Variants in FXYD3 observed in about 807,000 individuals in gnomAD.
The protein encoded by FXYD3 is FXYD domain-containing ion transport regulator 3.
Under a neutral mutation model 19.2 loss-of-function variants are expected in FXYD3, and 13 were observed. The ratio of observed to expected loss-of-function variants is 0.68; its 90% CI spans 0.44 to 1.08. FXYD3 has a LOEUF of 1.08. Ranked by LOEUF, FXYD3 falls within the 50% of genes least tolerant of loss-of-function variation. The pLI is 0.00. For synonymous variants in FXYD3, 48 were observed against 38.9 expected, an observed-to-expected ratio of 1.23 and a Z score of -0.87; for missense variants, 101 against 109.4, an observed-to-expected ratio of 0.92 and a Z score of 0.34.
intron 2 of FXYD3, chr19:35,118,582 A>G (rs1170339285): frequency 4.5e-5 from 45 of 992,060 alleles, no homozygotes; most frequent in Non-Finnish European, 5.3e-5. Context: ...TGTCACCAGG[A>G]ACTCTGCTGG....
chr19:35,121,165 G>A, intron 4 of FXYD3, 55 bp downstream of exon 4: 1 of 1,614,136 alleles, frequency 6.2e-7, no homozygotes, highest in Non-Finnish European at 8.5e-7. Context: ...CCTGGGTGGG[G>A]AAGGCCTGCA....
intron 7 of FXYD3, 115 bp downstream of exon 7, chr19:35,123,069 G>A (rs889924417): frequency 6.8e-6 from 10 of 1,460,024 alleles, no homozygotes; most frequent in Middle Eastern, 1.9e-4. Flanking sequence ...AGTTCCTGCC[G>A]CTAAGATTTC....
At chr19:35,120,910 C>T (rs2065027183) in intron 3 of FXYD3, among the ~76,000 whole-genome samples, 168 bp from the exon 4 acceptor site, 1 of 152,202 alleles carries the variant, frequency 6.6e-6, no homozygotes, top group African/African-American at 2.4e-5. Flanking sequence ...GTGGGCGAGT[C>T]CACATTTCCT....
chr19:35,123,749 C>T lies in FXYD3; in HGVS notation c.*292C>T. 1 of 518,848 alleles carries T rather than the reference C, an allele frequency of 1.9e-6. No homozygotes were observed. Among genetic ancestry groups the T allele is most frequent in the Non-Finnish European group, 3.5e-6 (1 of 288,942 alleles). 32.1% of individuals were successfully genotyped at this position (518,848 alleles called of 1,614,324 possible). ...CCCTGGAGGCTGACACAGAGGCTGG[C>T]ACTGAGCCTGCTTGTTGGGAAAAGC... On this transcript the variant is annotated 3_prime_UTR_variant, in exon 9 of 9. Transcript: ENST00000604404.
intron 3 of FXYD3, among the ~76,000 whole-genome samples, chr19:35,120,170 C>T (rs534616584): frequency 8.8e-5 from 13 of 147,682 alleles, no homozygotes; most frequent in African/African-American, 2.5e-4. Context: ...GACAGAGTCT[C>T]GCTCTGTTGC....
intron 2 of FXYD3, 55 bp downstream of exon 2, chr19:35,116,414 G>A (rs2064886528): frequency 1.0e-6 from 1 of 965,412 alleles, no homozygotes; most frequent in Non-Finnish European, 1.2e-6. Context: ...CCCTAAATTA[G>A]GAAGTATCTA....
intron 1 of FXYD3, 57 bp from the exon 2 acceptor site, chr19:35,116,207 G>A: frequency 3.0e-6 from 3 of 985,426 alleles, no homozygotes; most frequent in Non-Finnish European, 3.6e-6. Context: ...GTCTCTTTAA[G>A]AGCAGGAATG....
Position 35,117,065 on chromosome 19 carries a change from G to C in FXYD3, c.-15+706G>C, listed in dbSNP as rs921441986. 78 of 985,376 alleles carry C rather than the reference G, an allele frequency of 7.9e-5. No homozygotes were observed. In the African/African-American group the frequency reaches 1.3e-3, roughly 17 times the overall value. The allele number at this position is 985,376 out of a possible 1,614,324, so 61.0% of individuals were successfully genotyped here. A position where few individuals can be genotyped will look rare whatever the true frequency, so the allele number is the denominator to read the frequency against. On this transcript the variant is annotated intron_variant, in intron 2 of 8. Coordinates refer to ENST00000604404, the MANE Select transcript of FXYD3 (RefSeq NM_005971.4). Reference sequence around the variant, plus strand: ...GCCGGCCTTGGGACCTCATGGCCAGGAAGGATGAGAGCAGGTAGACAGAGC... The same window carrying C: ...GCCGGCCTTGGGACCTCATGGCCAGCAAGGATGAGAGCAGGTAGACAGAGC...
chr19:35,118,679 G>A lies in FXYD3; in HGVS notation c.-14-684G>A, dbSNP rs530240282. Reference sequence around the variant, plus strand: ...CGGGAAGGGCATGGGTGTGGGATGAGGGGCAGGAGGTTCGGGGGAACAGAG... The same window carrying A: ...CGGGAAGGGCATGGGTGTGGGATGAAGGGCAGGAGGTTCGGGGGAACAGAG... On this transcript the variant is annotated intron_variant, in intron 2 of 8. Coordinates refer to ENST00000604404, the MANE Select transcript of FXYD3 (RefSeq NM_005971.4). 4.9e-6 allele frequency: 3 copies of A among 612,846 alleles called. No individual in the cohort carries two copies. In the East Asian group the frequency reaches 3.6e-4, roughly 74 times the overall value. 38.0% of individuals were successfully genotyped at this position (612,846 alleles called of 1,614,324 possible). A position where few individuals can be genotyped will look rare whatever the true frequency, so the allele number is the denominator to read the frequency against.
chr19:35,121,290 T>C, intron 5 of FXYD3, 45 bp downstream of exon 5: 3 of 1,614,146 alleles, frequency 1.9e-6, no homozygotes, highest in Non-Finnish European at 2.5e-6. Context: ...CCCCACATAC[T>C]GCTTGGTGCC....
rs530425837 is a variant in FXYD3, at chr19:35,121,044, A to G, written c.41-34A>G. On this transcript the variant is annotated intron_variant, in intron 3 of 8. Transcript: ENST00000604404. ...CAAAGGCTTGGCTGAGGCCGGCATCACCATCTCCCCTCCTTCCCCTCTTCT... is the reference window on the plus strand; with the variant it reads ...CAAAGGCTTGGCTGAGGCCGGCATCGCCATCTCCCCTCCTTCCCCTCTTCT... 1.8e-5 allele frequency: 29 copies of G among 1,611,158 alleles called. No individual in the cohort carries two copies. The South Asian group carries it at 3.0e-4, about 16-fold the overall frequency.
chr19:35,123,712 A>G lies in FXYD3; in HGVS notation c.*255A>G. The G allele has an allele frequency of 1.8e-6, 1 of 565,472 alleles. No homozygotes were observed. Among genetic ancestry groups the G allele is most frequent in the Non-Finnish European group, 3.2e-6 (1 of 316,648 alleles). 35.0% of individuals were successfully genotyped at this position (565,472 alleles called of 1,614,324 possible). A position where few individuals can be genotyped will look rare whatever the true frequency, so the allele number is the denominator to read the frequency against. ...GGGGTGGGGCTTGGGGCACCATGAG[A>G]AGGTTGGCGTGCCCTGGAGGCTGAC... On this transcript the variant is annotated 3_prime_UTR_variant, in exon 9 of 9. Transcript: ENST00000604404.
At chr19:35,117,418 A>G in intron 2 of FXYD3, 1 of 1,411,088 alleles carries the variant, frequency 7.1e-7, no homozygotes, top group Non-Finnish European at 9.3e-7. Context: ...ATAGGGCTTT[A>G]AGATGAATTT....
chr19:35,119,650 T>TG (rs2064990894), intron 3 of FXYD3: 15 of 537,468 alleles, frequency 2.8e-5, no homozygotes, highest in South Asian at 7.5e-5. Context: ...CTTCTTTTTT[T>TG]TTGGCTTTTT....
chr19:35,122,299 C>T (rs1022387300), intron 5 of FXYD3, among the ~76,000 whole-genome samples: 12 of 151,838 alleles, frequency 7.9e-5, no homozygotes, highest in African/African-American at 1.5e-4. Flanking sequence ...GGATTACAGG[C>T]GCCTACCACC....
At chr19:35,123,133 C>T in intron 7 of FXYD3, 138 bp from the exon 8 acceptor site, 1 of 1,477,054 alleles carries the variant, frequency 6.8e-7, no homozygotes, top group Non-Finnish European at 9.0e-7. Flanking sequence ...TCCTGAAATG[C>T]TTTGGCCCCT....
chr19:35,123,549 T>G lies in FXYD3; in HGVS notation c.*92T>G. ...AAACTTGAACTCCAGGATGGAATTC[T>G]TCCTCCTCTGCTGGGACTCCTTTGC... On this transcript the variant is annotated 3_prime_UTR_variant, in exon 9 of 9. Transcript: ENST00000604404. 1 of 1,353,486 alleles carries G rather than the reference T, an allele frequency of 7.4e-7. No homozygotes were observed. Among genetic ancestry groups the G allele is most frequent in the Non-Finnish European group, 1.1e-6 (1 of 947,532 alleles). The allele number at this position is 1,353,486 out of a possible 1,614,324, so 83.8% of individuals were successfully genotyped here. A position where few individuals can be genotyped will look rare whatever the true frequency, so the allele number is the denominator to read the frequency against.
chr19:35,122,774 G>A lies in FXYD3; in HGVS notation c.107G>A (p.Ser36Asn). The A allele has an allele frequency of 6.2e-7, 1 of 1,613,360 alleles. No homozygotes were observed. Residue 36 changes from serine (S) to asparagine (N), a missense_variant, in exon 6 of 9, where the codon AGC becomes AAC. Physicochemically the swap from Ser to Asn is conservative, Grantham distance 46. Coordinates refer to ENST00000604404, the MANE Select transcript of FXYD3 (RefSeq NM_005971.4). ...KNSPFYYDWH[S>N]LQVGGLICAG... Reference sequence around the variant, plus strand: ...TCCACTTTCCTCCTAGACTGGCACAGCCTCCAGGTTGGCGGGCTCATCTGC... The same window carrying A: ...TCCACTTTCCTCCTAGACTGGCACAACCTCCAGGTTGGCGGGCTCATCTGC...
chr19:35,115,835 A>G lies in FXYD3; in HGVS notation c.-235A>G, dbSNP rs2064874561. 1 of 152,190 alleles carries G rather than the reference A, an allele frequency of 6.6e-6. No individual in the cohort carries two copies. Among genetic ancestry groups the G allele is most frequent in the African/African-American group, 2.4e-5 (1 of 41,392 alleles). The allele number at this position is 152,190 out of a possible 1,614,324, so 9.4% of individuals were successfully genotyped here. A position where few individuals can be genotyped will look rare whatever the true frequency, so the allele number is the denominator to read the frequency against. On this transcript the variant is annotated 5_prime_UTR_variant, in exon 1 of 9. Transcript: ENST00000604404. ...ATCTCCTGACTTTGGTCACGCTAGC[A>G]TCTTCTGCTGATCCTGAAATTGTAC...
Sources: gnomAD v4.1 joint callset for allele counts (sites outside exome capture counted in the v4.1 genomes callset) on GRCh38, gnomAD v4.1.1 for gene constraint, MANE v1.5 for transcripts, NCBI Gene and HGNC (gene_info 2026-07-23, HGNC 2026-07-21) for gene names.